The following GKAP1 variants were observed in gnomAD, a reference collection of about 807,000 sequenced individuals.
The protein encoded by GKAP1 is G kinase anchoring protein 1, also known as G kinase-anchoring protein 1.
A neutral mutation model predicts 56.7 loss-of-function variants in GKAP1; 31 were observed. The ratio of observed to expected loss-of-function variants is 0.55; its 90% CI spans 0.41 to 0.74. The LOEUF (loss-of-function observed/expected upper bound fraction) is 0.74, where lower values mean the gene tolerates loss of function less well. GKAP1 is among the 30% of genes least tolerant of loss of function. GKAP1 has a pLI of 0.00. For synonymous variants in GKAP1, 151 were observed against 138.6 expected (o/e 1.09, Z -0.63); for missense variants, 364 against 402.3 (o/e 0.90, Z 0.82).
At position 83,806,379 on chromosome 9, in the gene GKAP1, T is replaced by C; in HGVS notation, c.139A>G (p.Ser47Gly). 1 of 1,588,740 alleles carries C rather than the reference T, an allele frequency of 6.3e-7. No homozygotes were observed. The highest frequency in any genetic ancestry group is 8.6e-7 in the Non-Finnish European group (1 of 1,166,464). Reference sequence around the variant, plus strand: ...TTTTTCTCATTTGTAGTTGACTTGCTTCCTAAAGTTTGAGACTTTCCAGTA... The same window carrying C: ...TTTTTCTCATTTGTAGTTGACTTGCCTCCTAAAGTTTGAGACTTTCCAGTA... ...RNTGKSQTLG[S>G]KSTTNEKKRE... Residue 47 changes from serine to glycine, a missense_variant, in exon 3 of 13, where the codon AGC becomes GGC. By Grantham distance (56) the Ser-to-Gly change is moderately conservative. Coordinates refer to ENST00000376371, the MANE Select transcript of GKAP1 (RefSeq NM_025211.4).
intron 3 of GKAP1, among the ~76,000 whole-genome samples, chr9:83,804,449 G>T (rs1170654099): frequency 1.5e-5 from 2 of 132,108 alleles, no homozygotes; most frequent in African/African-American, 2.9e-5. Flanking sequence ...GGTGAGGGGC[G>T]CCTCTGCCCG....
chr9:83,805,538 A>T (rs1344429059), intron 3 of GKAP1, among the ~76,000 whole-genome samples: 1 of 152,126 alleles, frequency 6.6e-6, no homozygotes, highest in Non-Finnish European at 1.5e-5. Context: ...AATAACAGAG[A>T]TCTGTATTTA....
chr9:83,758,489 T>C (rs1287796493), intron 8 of GKAP1, among the ~76,000 whole-genome samples: 1 of 152,170 alleles, frequency 6.6e-6, no homozygotes, highest in East Asian at 1.9e-4. Context: ...TCTCAGCAAT[T>C]TGGGAGGCTG....
At position 83,742,594 on chromosome 9, in the gene GKAP1, T is replaced by C. The variant is rs1943226017; in HGVS notation, c.911A>G (p.Asp304Gly). 2.5e-6 allele frequency: 4 copies of C among 1,610,918 alleles called. No homozygotes were observed. The highest frequency in any genetic ancestry group is 3.4e-6 in the Non-Finnish European group (4 of 1,178,604). ...AACTTGCAGAAGTATTTCTGCCTTA[T>C]CTTTCACTGACAAAAAAGGAAAAAC... The part of the protein sequence containing the change: ...LKMLQEGEMK[D>G]KAEILLQVDE... Residue 304 changes from aspartate (D) to glycine (G), a missense_variant, in exon 11 of 13, where the codon GAT becomes GGT. Transcript: ENST00000376371.
At chr9:83,780,257 C>T (rs918653783) in intron 7 of GKAP1, 125 bp downstream of exon 7, 2 of 593,574 alleles carry the variant, frequency 3.4e-6, no homozygotes, top group Non-Finnish European at 6.1e-6. Context: ...ACTGGGTTCA[C>T]TCAAGACAAA....
At chr9:83,797,056 T>C (rs1448053737) in intron 4 of GKAP1, among the ~76,000 whole-genome samples, 2 of 152,198 alleles carry the variant, frequency 1.3e-5, no homozygotes, top group Non-Finnish European at 2.9e-5. Context: ...CAAGATCAAC[T>C]GAGATCCAGT....
At chr9:83,758,541 T>C (rs1480967032) in intron 8 of GKAP1, among the ~76,000 whole-genome samples, 1 of 152,170 alleles carries the variant, frequency 6.6e-6, no homozygotes, top group Non-Finnish European at 1.5e-5. Context: ...GAGACCAGCC[T>C]GGCCAACATG....
At position 83,799,341 on chromosome 9, in the gene GKAP1, C is replaced by A; in HGVS notation, c.217-13G>T. ...CAAGATTCCTGAGCTATAAAACAAACAAAAAATATATTAAATTCAGTTTAC... is the reference window on the plus strand; with the variant it reads ...CAAGATTCCTGAGCTATAAAACAAAAAAAAAATATATTAAATTCAGTTTAC... On this transcript the variant is annotated splice_polypyrimidine_tract_variant and intron_variant, in intron 3 of 12. Transcript: ENST00000376371. 1 of 1,541,152 alleles carries A rather than the reference C, an allele frequency of 6.5e-7. No individual in the cohort carries two copies. Among genetic ancestry groups the A allele is most frequent in the Admixed American group, 2.3e-5 (1 of 44,088 alleles).
intron 7 of GKAP1, among the ~76,000 whole-genome samples, chr9:83,775,321 T>C (rs1185634317): frequency 6.6e-6 from 1 of 152,158 alleles, no homozygotes; most frequent in South Asian, 2.1e-4. Context: ...GCTCGTCTTG[T>C]ATATTCCCTG....
intron 2 of GKAP1, among the ~76,000 whole-genome samples, chr9:83,811,716 C>G (rs1490993199): frequency 6.6e-6 from 1 of 152,092 alleles, no homozygotes; most frequent in Non-Finnish European, 1.5e-5. Context: ...CTTGTTTGAT[C>G]AGGGTAAAGT....
intron 7 of GKAP1, among the ~76,000 whole-genome samples, chr9:83,779,572 CACAT>C (rs1212157039): frequency 3.1e-5 from 3 of 95,344 alleles, no homozygotes; most frequent in Non-Finnish European, 5.6e-5. Flanking sequence ...TATATATACA[CACAT>C]ATATATACAC....
chr9:83,794,003 C>T (rs2131305375), intron 4 of GKAP1, among the ~76,000 whole-genome samples: 1 of 152,096 alleles, frequency 6.6e-6, no homozygotes, highest in East Asian at 1.9e-4. Context: ...CCCATCTCTA[C>T]TAAAAATACA....
intron 3 of GKAP1, among the ~76,000 whole-genome samples, chr9:83,803,425 G>C (rs980677142): frequency 5.9e-5 from 9 of 152,170 alleles, no homozygotes; most frequent in Admixed American, 5.9e-4. Flanking sequence ...ACTGGTTTTC[G>C]TACTTTTTTG....
intron 8 of GKAP1, 40 bp from the exon 9 acceptor site, chr9:83,753,399 C>T: frequency 2.4e-6 from 3 of 1,260,506 alleles, no homozygotes; most frequent in South Asian, 1.2e-5. Context: ...TTTGATTATT[C>T]CGCTAATTCT....
intron 7 of GKAP1, among the ~76,000 whole-genome samples, chr9:83,778,330 C>T (rs991426305): frequency 2.0e-5 from 3 of 151,814 alleles, no homozygotes; most frequent in Non-Finnish European, 4.4e-5. Context: ...ATAAAGAAAA[C>T]GTGGTATATA....
rs1167988502 is a variant in GKAP1, at chr9:83,817,084, G to A, written c.-132C>T. 2.6e-5 allele frequency: 4 copies of A among 152,182 alleles called. No homozygotes were observed. The highest frequency in any genetic ancestry group is 5.9e-5 in the Non-Finnish European group (4 of 68,022). 9.4% of individuals were successfully genotyped at this position (152,182 alleles called of 1,614,324 possible). On this transcript the variant is annotated 5_prime_UTR_variant, in exon 2 of 13. Coordinates refer to ENST00000376371, the MANE Select transcript of GKAP1 (RefSeq NM_025211.4). ...CGCAAAGTACATAGAGAAAGAAATT[G>A]CGCTGGGCGAAACCTAACTCGGGCA...
At chr9:83,766,899 G>A (rs11140240) in intron 8 of GKAP1, among the ~76,000 whole-genome samples, 52,381 of 152,080 alleles carry the variant, frequency 0.34, 9,621 homozygotes, top group Admixed American at 0.49. Context: ...AATATTGTGC[G>A]AGCCAGTGCT....
chr9:83,781,002 A>C (rs1047729334), intron 6 of GKAP1, among the ~76,000 whole-genome samples: 20 of 152,232 alleles, frequency 1.3e-4, no homozygotes, highest in Admixed American at 6.5e-4. Context: ...TTATTGGCTT[A>C]GAAACAACAC....
chr9:83,799,126 C>T, intron 4 of GKAP1, 59 bp downstream of exon 4: 1 of 1,431,600 alleles, frequency 7.0e-7, no homozygotes, highest in Non-Finnish European at 9.8e-7. Context: ...GAGGCACTGC[C>T]ATGTGAAAAA....
Sources: allele counts gnomAD v4.1 joint callset (sites outside exome capture counted in the v4.1 genomes callset), GRCh38; gene constraint gnomAD v4.1.1; transcripts MANE v1.5; gene names NCBI Gene and HGNC (gene_info 2026-07-23, HGNC 2026-07-21).